Variants in KCMF1 observed in about 807,000 individuals in gnomAD.
KCMF1 encodes E3 ubiquitin-protein ligase KCMF1.
KCMF1 carries 3 observed loss-of-function variants against 41.1 expected under a neutral mutation model. That is an observed-to-expected ratio of 0.07 (90% CI 0.03 to 0.19). The LOEUF (loss-of-function observed/expected upper bound fraction) is 0.19. Ranked by LOEUF, KCMF1 falls within the 10% of genes least tolerant of loss-of-function variation. The pLI, the probability that KCMF1 is intolerant of heterozygous loss-of-function variation, is 1.00. For missense variants in KCMF1, 286 were observed against 488.9 expected, an observed-to-expected ratio of 0.58 and a Z score of 3.91; for synonymous variants, 142 against 164.5, an observed-to-expected ratio of 0.86 and a Z score of 1.04.
intron 1 of KCMF1, among the ~76,000 whole-genome samples, chr2:85,009,523 C>T (rs1674604388): frequency 6.6e-6 from 1 of 152,148 alleles, no homozygotes; most frequent in Non-Finnish European, 1.5e-5. Context: ...TTCCTATTCT[C>T]TGTTCTGGAA....
At chr2:85,035,623 C>G (rs900368210) in intron 3 of KCMF1, among the ~76,000 whole-genome samples, 1 of 152,200 alleles carries the variant, frequency 6.6e-6, no homozygotes, top group Non-Finnish European at 1.5e-5. Context: ...CAGATCACAT[C>G]TCTTGCTTCC....
Position 85,059,466 on chromosome 2 carries a change from T to C in KCMF1, c.*6057T>C, listed in dbSNP as rs1676014067. Reference sequence around the variant, plus strand: ...TTTTCTGATTTGAATAAACTTTGTGTTGTGCACCTCAGTTTCCATTGCATT... The same window carrying C: ...TTTTCTGATTTGAATAAACTTTGTGCTGTGCACCTCAGTTTCCATTGCATT... On this transcript the variant is annotated 3_prime_UTR_variant, in exon 7 of 7. Coordinates refer to ENST00000409785, the MANE Select transcript of KCMF1 (RefSeq NM_020122.5). 2 of 152,386 alleles carry C rather than the reference T, an allele frequency of 1.3e-5. No individual in the cohort carries two copies. The highest frequency in any genetic ancestry group is 4.1e-4 in the South Asian group (2 of 4,828). The allele number at this position is 152,386 out of a possible 1,614,324, so 9.4% of individuals were successfully genotyped here. A position where few individuals can be genotyped will look rare whatever the true frequency, so the allele number is the denominator to read the frequency against.
chr2:84,989,352 G>A (rs957493758), intron 1 of KCMF1, among the ~76,000 whole-genome samples: 4 of 152,242 alleles, frequency 2.6e-5, no homozygotes, highest in South Asian at 4.1e-4. Context: ...TGGATTGCCA[G>A]GCTTGTGGTG....
chr2:85,000,788 T>C (rs938516771), intron 1 of KCMF1, among the ~76,000 whole-genome samples: 17 of 150,304 alleles, frequency 1.1e-4, no homozygotes, highest in Non-Finnish European at 2.1e-4. Context: ...TTTTTTTTTT[T>C]TTTTTTAAGA....
chr2:85,016,377 A>G (rs554751582), intron 1 of KCMF1, among the ~76,000 whole-genome samples: 131 of 152,216 alleles, frequency 8.6e-4, no homozygotes, highest in African/African-American at 3.1e-3. Flanking sequence ...TTATATGTAT[A>G]TTTAATAGAT....
chr2:84,979,249 C>T (rs1017259365), intron 1 of KCMF1, among the ~76,000 whole-genome samples: 5 of 152,120 alleles, frequency 3.3e-5, no homozygotes, highest in Admixed American at 6.6e-5. Context: ...ACTTTATGAG[C>T]TGGGCGCTGT....
At chr2:85,029,216 C>T (rs185906583) in intron 2 of KCMF1, among the ~76,000 whole-genome samples, 9 of 151,958 alleles carry the variant, frequency 5.9e-5, no homozygotes, top group South Asian at 4.2e-4. Context: ...CACCTGCCTT[C>T]GCCTCCCAAA....
chr2:85,027,308 C>T (rs2104027616), intron 1 of KCMF1, among the ~76,000 whole-genome samples: 1 of 148,496 alleles, frequency 6.7e-6, no homozygotes, highest in African/African-American at 2.5e-5. Context: ...TTCTTTAGTG[C>T]TTCCAGTCAC....
intron 1 of KCMF1, among the ~76,000 whole-genome samples, chr2:84,998,998 C>G (rs1368136867): frequency 8.1e-6 from 1 of 123,922 alleles, no homozygotes; most frequent in Non-Finnish European, 1.7e-5. Flanking sequence ...ACCTATCTGT[C>G]CACCCACCCA....
chr2:84,977,134 C>T (rs1206167546), intron 1 of KCMF1, among the ~76,000 whole-genome samples: 2 of 152,118 alleles, frequency 1.3e-5, no homozygotes, highest in Non-Finnish European at 2.9e-5. Flanking sequence ...CCATCTCAGC[C>T]TCCCAGAGTG....
intron 4 of KCMF1, among the ~76,000 whole-genome samples, chr2:85,044,900 G>A (rs780695316): frequency 6.6e-6 from 1 of 152,196 alleles, no homozygotes; most frequent in African/African-American, 2.4e-5. Flanking sequence ...CTACCAGAGC[G>A]ATTAATTTTG....
At chr2:85,021,220 G>A (rs1674929047) in intron 1 of KCMF1, among the ~76,000 whole-genome samples, 1 of 152,160 alleles carries the variant, frequency 6.6e-6, no homozygotes, top group Non-Finnish European at 1.5e-5. Context: ...GTTGATCGGG[G>A]AGTCTCACTG....
intron 2 of KCMF1, among the ~76,000 whole-genome samples, chr2:85,034,683 A>G (rs1367614918): frequency 6.6e-6 from 1 of 152,156 alleles, no homozygotes; most frequent in East Asian, 1.9e-4. Flanking sequence ...GTGCAGTGGC[A>G]TGATCTCGGC....
chr2:85,011,643 C>G (rs1558574882), intron 1 of KCMF1, among the ~76,000 whole-genome samples: 1 of 152,132 alleles, frequency 6.6e-6, no homozygotes, highest in Admixed American at 6.5e-5. Flanking sequence ...TATTGGAGCT[C>G]TGGATGGAAG....
intron 3 of KCMF1, among the ~76,000 whole-genome samples, 187 bp downstream of exon 3, chr2:85,035,342 A>G (rs561052609): frequency 3.5e-4 from 54 of 152,326 alleles, no homozygotes; most frequent in African/African-American, 1.3e-3. Context: ...GCAAAATAAT[A>G]CCTCTTACTG....
At chr2:85,017,233 A>G (rs1448385474) in intron 1 of KCMF1, among the ~76,000 whole-genome samples, 1 of 151,208 alleles carries the variant, frequency 6.6e-6, no homozygotes, top group Admixed American at 6.6e-5. Flanking sequence ...TCACCTTGTT[A>G]GCCAGGATGG....
In KCMF1 at chr2:84,975,812, TAAAA is replaced by T. The variant is rs773006370; in HGVS notation, c.16+4350_16+4353del. ...AAATCTACTTTTAAAGCTTTCCAAATAAAAAAAAGCAACTTAACAAATTGCTCGC... is the reference window on the plus strand; with the variant it reads ...AAATCTACTTTTAAAGCTTTCCAAATAAAAGCAACTTAACAAATTGCTCGC... On this transcript the variant is annotated intron_variant, in intron 1 of 6. Coordinates refer to ENST00000409785, the MANE Select transcript of KCMF1 (RefSeq NM_020122.5). 2.6e-5 allele frequency among the ~76,000 whole-genome samples: 4 copies of T among 151,888 alleles called. No homozygotes were observed. The East Asian group carries it at 7.7e-4, about 29-fold the overall frequency.
At position 85,008,277 on chromosome 2, in the gene KCMF1, A is replaced by AATATGATATATAATATATAAT. The variant is rs1574020892; in HGVS notation, c.17-19593_17-19592insATATATGATATATAATATATA. Among the ~76,000 whole-genome samples, 5 of 91,386 alleles carry AATATGATATATAATATATAAT rather than the reference A, an allele frequency of 5.5e-5. No individual in the cohort carries two copies. In the East Asian group the frequency reaches 2.6e-3, roughly 48 times the overall value. The allele number at this position is 91,386 out of a possible 152,430, so 60.0% of individuals were successfully genotyped here. A position where few individuals can be genotyped will look rare whatever the true frequency, so the allele number is the denominator to read the frequency against. ...ATATTATATATCATATATAATATAT[A>AATATGATATATAATATATAAT]ATATGATATATAATATATATAATAT... is the stretch of plus-strand genomic sequence containing the variant. On this transcript the variant is annotated intron_variant, in intron 1 of 6. Transcript: ENST00000409785.
chr2:85,020,927 T>C (rs929514661), intron 1 of KCMF1, among the ~76,000 whole-genome samples: 6 of 152,154 alleles, frequency 3.9e-5, no homozygotes, highest in African/African-American at 1.4e-4. Context: ...TGGAGTGCAG[T>C]TGTATGATCA....
Sources: allele counts gnomAD v4.1 joint callset (sites outside exome capture counted in the v4.1 genomes callset), GRCh38; gene constraint gnomAD v4.1.1; transcripts MANE v1.5; gene names NCBI Gene and HGNC (gene_info 2026-07-23, HGNC 2026-07-21).